Variants in KPNA7 observed in about 807,000 individuals in gnomAD.
KPNA7 encodes importin subunit alpha-8.
Under a neutral mutation model 53.7 loss-of-function variants are expected in KPNA7, and 54 were observed. The ratio of observed to expected loss-of-function variants is 1.01; its 90% CI spans 0.81 to 1.26. The LOEUF is 1.26. Ranked by LOEUF, KPNA7 falls within the 50% of genes most tolerant of loss-of-function variation. The pLI is 0.00. For synonymous variants in KPNA7, 276 were observed against 259.3 expected, an observed-to-expected ratio of 1.06 and a Z score of -0.62; for missense variants, 640 against 644.5, an observed-to-expected ratio of 0.99 and a Z score of 0.07.
chr7:99,215,492 T>G (rs755493986), intron 1 of KPNA7, among the ~76,000 whole-genome samples: 1 of 151,730 alleles, frequency 6.6e-6, no homozygotes, highest in Non-Finnish European at 1.5e-5. Flanking sequence ...CCCCACTCCT[T>G]GAGGTATCTT....
At chr7:99,199,065 G>GAAAAAAAAAAAAAAAAAA (rs67877761) in intron 3 of KPNA7, among the ~76,000 whole-genome samples, 2 of 61,146 alleles carry the variant, frequency 3.3e-5, no homozygotes, top group Non-Finnish European at 6.1e-5. Flanking sequence ...GCTGCAAACT[G>GAAAAAAAAAAAAAAAAAA]AAAAAAAAAA....
In KPNA7 at chr7:99,196,586, T is replaced by C. The variant is rs114201128; in HGVS notation, c.202-420A>G. Reference sequence around the variant, plus strand: ...CAATTGTTTTATTCAAGCCAGGAAGTGTTTATCCAAGAAAGACAGCTGAAT... The same window carrying C: ...CAATTGTTTTATTCAAGCCAGGAAGCGTTTATCCAAGAAAGACAGCTGAAT... On this transcript the variant is annotated intron_variant, in intron 3 of 10. Transcript: ENST00000327442. Among the ~76,000 whole-genome samples, 940 of 152,320 alleles carry C rather than the reference T, an allele frequency of 6.2e-3. 10 individuals are homozygous for C. The highest frequency in any genetic ancestry group is 0.022 in the African/African-American group (918 of 41,564).
chr7:99,207,322 C>T (rs1340319179), intron 2 of KPNA7, 79 bp downstream of exon 2: 5 of 1,227,660 alleles, frequency 4.1e-6, no homozygotes, highest in African/African-American at 1.5e-5. Flanking sequence ...CATGAGCCAC[C>T]GCGCCTGGTC....
At chr7:99,173,111 CTA>C (rs1798802752), downstream of KPNA7, among the ~76,000 whole-genome samples, 1 of 145,304 alleles carries the variant, frequency 6.9e-6, no homozygotes, top group Non-Finnish European at 1.5e-5. Context: ...GTCCGGATAA[CTA>C]TAAGACCATT....
chr7:99,148,817 C>T, the KPNA7 span, among the ~76,000 whole-genome samples: 4 of 119,340 alleles, frequency 3.4e-5, no homozygotes, highest in Non-Finnish European at 6.8e-5. Flanking sequence ...GGCTAGTCGC[C>T]TCAAGTGGTC....
At chr7:99,164,632 TAA>T in the KPNA7 span, among the ~76,000 whole-genome samples, 61,848 of 151,342 alleles carry the variant, frequency 0.41, 13,557 homozygotes, top group African/African-American at 0.58. Flanking sequence ...TTAAAGAATT[TAA>T]AAAAAAAAAA....
chr7:99,183,036 G>A (rs1331831552), intron 8 of KPNA7, among the ~76,000 whole-genome samples: 3 of 152,066 alleles, frequency 2.0e-5, no homozygotes, highest in African/African-American at 7.2e-5. Context: ...CAGGCAGATT[G>A]CCTGAGCTCA....
chr7:99,206,941 G>A (rs1563089846), intron 2 of KPNA7, among the ~76,000 whole-genome samples: 2 of 152,086 alleles, frequency 1.3e-5, no homozygotes, highest in African/African-American at 2.4e-5. Context: ...CAGAAAAGTT[G>A]GAAGGATAAT....
intron 3 of KPNA7, among the ~76,000 whole-genome samples, chr7:99,202,572 C>G (rs1188224487): frequency 6.6e-6 from 1 of 152,032 alleles, no homozygotes; most frequent in Non-Finnish European, 1.5e-5. Flanking sequence ...TGGCCAGGTA[C>G]AGGGGCTCAC....
chr7:99,175,873 G>A (rs1277875264), intron 10 of KPNA7, among the ~76,000 whole-genome samples: 1 of 151,932 alleles, frequency 6.6e-6, no homozygotes. Flanking sequence ...CCATCCACCT[G>A]GTCATATTGA....
At chr7:99,169,493 G>T (rs932985949), downstream of KPNA7, among the ~76,000 whole-genome samples, 1 of 151,410 alleles carries the variant, frequency 6.6e-6, no homozygotes, top group African/African-American at 2.4e-5. Context: ...GGTGGGGCAC[G>T]CCTGTAATCT....
intron 9 of KPNA7, among the ~76,000 whole-genome samples, chr7:99,180,549 G>A (rs941476329): frequency 2.6e-4 from 15 of 57,190 alleles, no homozygotes; most frequent in East Asian, 6.3e-4. Flanking sequence ...GTCTGTCTCC[G>A]TCTGTCTCTG....
chr7:99,199,119 T>C (rs1337140230), intron 3 of KPNA7, among the ~76,000 whole-genome samples: 2 of 139,220 alleles, frequency 1.4e-5, no homozygotes, highest in Non-Finnish European at 3.0e-5. Flanking sequence ...CCCATGTTCA[T>C]GGACTGGAAG....
chr7:99,186,062 G>A (rs537128459), intron 7 of KPNA7, among the ~76,000 whole-genome samples: 3 of 152,084 alleles, frequency 2.0e-5, no homozygotes, highest in South Asian at 4.2e-4. Flanking sequence ...CAAAGTGCTG[G>A]GATTATAGGC....
intron 1 of KPNA7, among the ~76,000 whole-genome samples, chr7:99,216,744 T>G (rs905933074): frequency 2.0e-5 from 3 of 152,156 alleles, no homozygotes; most frequent in Non-Finnish European, 4.4e-5. Flanking sequence ...GTATTTTTAG[T>G]GAAGACAGGG....
chr7:99,152,340 C>T, the KPNA7 span, among the ~76,000 whole-genome samples: 6 of 139,386 alleles, frequency 4.3e-5, no homozygotes, highest in South Asian at 2.2e-4. Flanking sequence ...CCCGACAGAG[C>T]GAGAGAGACT....
chr7:99,206,124 TGAG>T (rs1184861486), intron 2 of KPNA7, among the ~76,000 whole-genome samples: 1 of 152,186 alleles, frequency 6.6e-6, no homozygotes, highest in Non-Finnish European at 1.5e-5. Flanking sequence ...TACTGGCCCT[TGAG>T]GAAGCAATCC....
the KPNA7 span, among the ~76,000 whole-genome samples, chr7:99,163,183 GAA>G: frequency 7.1e-6 from 1 of 141,714 alleles, no homozygotes; most frequent in Non-Finnish European, 1.5e-5. Flanking sequence ...CTCTGCCTCA[GAA>G]AAAAAAAAGT....
chr7:99,183,591 T>C (rs1789398641), intron 8 of KPNA7, among the ~76,000 whole-genome samples: 1 of 152,056 alleles, frequency 6.6e-6, no homozygotes, highest in Non-Finnish European at 1.5e-5. Context: ...CACCTGGTCT[T>C]TCTCTCTTGC....
Sources: allele counts gnomAD v4.1 joint callset (sites outside exome capture counted in the v4.1 genomes callset), GRCh38; gene constraint gnomAD v4.1.1; transcripts MANE v1.5; gene names NCBI Gene and HGNC (gene_info 2026-07-23, HGNC 2026-07-21).